KCNH5: variants seen among roughly 807,000 people sequenced by gnomAD.
KCNH5 encodes potassium voltage-gated channel subfamily H member 5, also known as voltage-gated delayed rectifier potassium channel KCNH5.
Under a neutral mutation model 96.1 loss-of-function variants are expected in KCNH5, and 46 were observed. The ratio of observed to expected loss-of-function variants is 0.48; its 90% CI spans 0.38 to 0.61. The LOEUF is 0.61. KCNH5 is among the 20% of genes least tolerant of loss of function. The pLI is 0.00. For missense variants in KCNH5, 907 were observed against 1,225.8 expected (o/e 0.74, Z 3.88); for synonymous variants, 439 against 449.8 (o/e 0.98, Z 0.30).
chr14:62,799,713 A>ATG (rs1886614484), intron 9 of KCNH5, among the ~76,000 whole-genome samples: 3 of 111,504 alleles, frequency 2.7e-5, no homozygotes, highest in African/African-American at 9.5e-5. Context: ...ATATATATAT[A>ATG]TATATATATA....
chr14:62,919,572 T>A (rs1239773655), intron 7 of KCNH5, among the ~76,000 whole-genome samples: 1 of 152,110 alleles, frequency 6.6e-6, no homozygotes, highest in Admixed American at 6.6e-5. Flanking sequence ...GTGCGCTCAA[T>A]TTTCTCTCTT....
chr14:63,003,578 TACA>T (rs371179573), intron 3 of KCNH5, among the ~76,000 whole-genome samples: 12 of 124,448 alleles, frequency 9.6e-5, no homozygotes, highest in African/African-American at 3.4e-4. Context: ...TATATTTATA[TACA>T]TAATATATAT....
At chr14:62,896,471 C>T (rs1208021574) in intron 7 of KCNH5, among the ~76,000 whole-genome samples, 1 of 152,196 alleles carries the variant, frequency 6.6e-6, no homozygotes, top group East Asian at 1.9e-4. Flanking sequence ...AGGAGCCTCC[C>T]TTTCACCTTC....
chr14:62,868,475 T>C (rs941751872), intron 7 of KCNH5, among the ~76,000 whole-genome samples: 3 of 152,250 alleles, frequency 2.0e-5, no homozygotes, highest in African/African-American at 7.2e-5. Flanking sequence ...CTTTGGTCTA[T>C]TTTTGGATTT....
At chr14:62,874,869 G>A (rs1032178662) in intron 7 of KCNH5, among the ~76,000 whole-genome samples, 10 of 135,742 alleles carry the variant, frequency 7.4e-5, no homozygotes, top group African/African-American at 2.8e-4. Context: ...GGAAATAAAG[G>A]GTATTCAATT....
At chr14:62,904,327 C>T (rs891749357) in intron 7 of KCNH5, among the ~76,000 whole-genome samples, 1 of 152,148 alleles carries the variant, frequency 6.6e-6, no homozygotes, top group Admixed American at 6.5e-5. Flanking sequence ...CTAAATTCAG[C>T]CATACTACCT....
chr14:63,018,250 T>C (rs1891362769), intron 1 of KCNH5, among the ~76,000 whole-genome samples: 1 of 151,710 alleles, frequency 6.6e-6, no homozygotes, highest in South Asian at 2.1e-4. Context: ...GTTCATGGTG[T>C]GAAAGAGCTC....
intron 10 of KCNH5, among the ~76,000 whole-genome samples, chr14:62,733,668 C>G (rs1352468107): frequency 6.6e-6 from 1 of 152,166 alleles, no homozygotes; most frequent in Non-Finnish European, 1.5e-5. Context: ...AATTCATTCC[C>G]ACATAGACAA....
intron 8 of KCNH5, among the ~76,000 whole-genome samples, chr14:62,831,159 C>T (rs897013583): frequency 6.6e-6 from 1 of 152,148 alleles, no homozygotes; most frequent in Non-Finnish European, 1.5e-5. Flanking sequence ...ATTTGTTCTC[C>T]TCCATAAGTA....
rs149070611 is a variant in KCNH5 at position 63,041,320 on chromosome 14, T to C, written c.73+3794A>G. ...ATTGCTCCCTAGAGCCCAATTTAGA[T>C]TAATAGTTTGCATAAATAATTGAAA... On this transcript the variant is annotated intron_variant, in intron 1 of 10. Transcript: ENST00000322893. Among the ~76,000 whole-genome samples, 33 of 152,252 alleles carry C rather than the reference T, an allele frequency of 2.2e-4. 1 individual carries two copies. In the East Asian group the frequency reaches 4.8e-3, roughly 22 times the overall value.
chr14:62,914,789 T>C (rs997686372), intron 7 of KCNH5, among the ~76,000 whole-genome samples: 5 of 152,176 alleles, frequency 3.3e-5, no homozygotes, highest in African/African-American at 1.2e-4. Context: ...CTCCTCAGAC[T>C]ATGGTAATTT....
chr14:62,755,670 G>A (rs1885606578), intron 10 of KCNH5, among the ~76,000 whole-genome samples: 2 of 152,112 alleles, frequency 1.3e-5, no homozygotes, highest in African/African-American at 4.8e-5. Context: ...CAAACTACAG[G>A]ACAGTATCTC....
At chr14:62,726,450 GA>G (rs1395338166) in intron 10 of KCNH5, among the ~76,000 whole-genome samples, 2 of 151,786 alleles carry the variant, frequency 1.3e-5, no homozygotes, top group African/African-American at 4.8e-5. Flanking sequence ...AAATTATTAA[GA>G]ACAAAGATAA....
intron 6 of KCNH5, 109 bp downstream of exon 6, chr14:62,980,763 T>C (rs534830117): frequency 1.5e-5 from 18 of 1,177,200 alleles, no homozygotes; most frequent in Non-Finnish European, 2.1e-5. Flanking sequence ...TCAAGAAAGT[T>C]GAAAGTGGTG....
intron 7 of KCNH5, among the ~76,000 whole-genome samples, chr14:62,893,756 A>G (rs1420040541): frequency 6.6e-6 from 1 of 152,204 alleles, no homozygotes; most frequent in Non-Finnish European, 1.5e-5. Flanking sequence ...ACTCAAAAAA[A>G]AGAATAGTAC....
At chr14:62,846,286 TTAA>T (rs749772948) in intron 8 of KCNH5, among the ~76,000 whole-genome samples, 4 of 152,184 alleles carry the variant, frequency 2.6e-5, no homozygotes, top group Non-Finnish European at 4.4e-5. Context: ...TTCTTATTAA[TTAA>T]TAAATCACTT....
intron 10 of KCNH5, 26 bp downstream of exon 10, chr14:62,779,702 A>C (rs760520862): frequency 6.3e-7 from 1 of 1,580,294 alleles, no homozygotes; most frequent in African/African-American, 1.4e-5. Flanking sequence ...GACACTAATA[A>C]GAAAAAGCAG....
rs549487984 is a variant in KCNH5, at chr14:62,705,986, T to A, written c.*1522A>T. The A allele has an allele frequency of 2.0e-5, 3 of 152,216 alleles. No individual in the cohort carries two copies. In the East Asian group the frequency reaches 5.8e-4, roughly 29 times the overall value. 9.4% of individuals were successfully genotyped at this position (152,216 alleles called of 1,614,324 possible). ...TATTAAATGCTGTGCATGCACTGAC[T>A]GAAAAGTATGCTTCCCTGAACGACT... On this transcript the variant is annotated 3_prime_UTR_variant, in exon 11 of 11. Coordinates refer to ENST00000322893, the MANE Select transcript of KCNH5 (RefSeq NM_139318.5).
intron 10 of KCNH5, among the ~76,000 whole-genome samples, chr14:62,727,168 C>T (rs1219488568): frequency 6.6e-6 from 1 of 152,036 alleles, no homozygotes; most frequent in African/African-American, 2.4e-5. Flanking sequence ...AGTTTGAGAC[C>T]AGTCTGGCCA....
Sources: gnomAD v4.1 joint callset for allele counts (sites outside exome capture counted in the v4.1 genomes callset) on GRCh38, gnomAD v4.1.1 for gene constraint, MANE v1.5 for transcripts, NCBI Gene and HGNC (gene_info 2026-07-23, HGNC 2026-07-21) for gene names.